Variants in CFAP91 observed in about 807,000 individuals in gnomAD.
The protein encoded by CFAP91 is cilia and flagella associated protein 91, also known as cilia- and flagella-associated protein 91.
In CFAP91, 85 loss-of-function variants were observed where a neutral mutation model predicts 95.9. The observed-to-expected ratio is 0.89, with a 90% CI of 0.74 to 1.06. The LOEUF is 1.06. Among genes scored for constraint, CFAP91 ranks in the 50% least tolerant of loss-of-function variants. The pLI is 0.00. For missense variants in CFAP91, 962 were observed against 943.4 expected (o/e 1.02, Z -0.26); for synonymous variants, 335 against 327.5 (o/e 1.02, Z -0.25).
intron 17 of CFAP91, among the ~76,000 whole-genome samples, chr3:119,756,576 G>A (rs1032085477): frequency 5.9e-5 from 9 of 152,142 alleles, no homozygotes; most frequent in African/African-American, 2.2e-4. Context: ...TAGGAGCAAT[G>A]CAGTTATAAA....
chr3:119,705,085 C>A (rs1470493625), intron 1 of CFAP91, among the ~76,000 whole-genome samples: 1 of 152,228 alleles, frequency 6.6e-6, no homozygotes, highest in African/African-American at 2.4e-5. Context: ...CATCTCTATG[C>A]TTGCTTCCTT....
intron 3 of CFAP91, among the ~76,000 whole-genome samples, chr3:119,708,063 T>G (rs1389379047): frequency 6.6e-6 from 1 of 151,884 alleles, no homozygotes; most frequent in Non-Finnish European, 1.5e-5. Flanking sequence ...AGGCGGATCA[T>G]GAGGTCAGGA....
chr3:119,747,174 C>T lies in CFAP91; in HGVS notation c.1962C>T (p.Thr654=), dbSNP rs200328797. ...SSYLEDIILN[T]EANTAEEQAR... ...ACCTAGAAGACATAATACTGAATAC[C>T]GAAGCGAATACTGCAGAAGAACAAG... Residue 654 remains threonine (T), a synonymous_variant, in exon 15 of 18, where the codon ACC becomes ACT. Coordinates refer to ENST00000273390, the MANE Select transcript of CFAP91 (RefSeq NM_033364.4). 35 of 1,613,352 alleles carry T rather than the reference C, an allele frequency of 2.2e-5. 1 individual carries two copies. The highest frequency in any genetic ancestry group is 3.3e-4 in the Middle Eastern group (2 of 6,060).
rs531367144 is a variant in CFAP91, at chr3:119,736,547, A to G, written c.1345-819A>G. 1.2e-3 allele frequency among the ~76,000 whole-genome samples: 177 copies of G among 152,160 alleles called. 1 individual carries two copies. Among genetic ancestry groups the G allele is most frequent in the Admixed American group, 5.5e-3 (84 of 15,290 alleles). On this transcript the variant is annotated intron_variant, in intron 10 of 17. Coordinates refer to ENST00000273390, the MANE Select transcript of CFAP91 (RefSeq NM_033364.4). Reference sequence around the variant, plus strand: ...CTCCTCGGCCTCCCAAAGTGCTGGGATCGCAGGCGTGAGCCACCGCGCCCG... The same window carrying G: ...CTCCTCGGCCTCCCAAAGTGCTGGGGTCGCAGGCGTGAGCCACCGCGCCCG...
chr3:119,742,771 T>C (rs1030395672), intron 13 of CFAP91, among the ~76,000 whole-genome samples: 1 of 152,150 alleles, frequency 6.6e-6, no homozygotes, highest in Admixed American at 6.5e-5. Flanking sequence ...AGGATGAAGA[T>C]GGGTGGTGTT....
intron 17 of CFAP91, chr3:119,752,206 A>G (rs1381838870): frequency 1.3e-5 from 2 of 152,174 alleles, no homozygotes; most frequent in South Asian, 2.1e-4. Flanking sequence ...TACTGGGGCT[A>G]GGGAGAAATT....
chr3:119,724,997 GAAAT>G (rs1289230379), intron 6 of CFAP91, among the ~76,000 whole-genome samples: 1 of 152,150 alleles, frequency 6.6e-6, no homozygotes, highest in Non-Finnish European at 1.5e-5. Flanking sequence ...CAAAAGATCT[GAAAT>G]AAGACACAAA....
intron 17 of CFAP91, among the ~76,000 whole-genome samples, chr3:119,760,128 C>G (rs915226568): frequency 6.6e-6 from 1 of 151,740 alleles, no homozygotes; most frequent in African/African-American, 2.4e-5. Flanking sequence ...CTATGTCCAG[C>G]CTACAAGAGT....
chr3:119,743,732 C>A (rs560486969), intron 13 of CFAP91, among the ~76,000 whole-genome samples: 1 of 152,316 alleles, frequency 6.6e-6, no homozygotes, highest in African/African-American at 2.4e-5. Context: ...CTTGCTAAAT[C>A]CTCTTGCTTA....
intron 3 of CFAP91, among the ~76,000 whole-genome samples, chr3:119,707,802 T>C (rs1471275456): frequency 6.6e-6 from 1 of 150,408 alleles, no homozygotes; most frequent in East Asian, 1.9e-4. Context: ...GATGATTGAG[T>C]TTGTTGTTGC....
chr3:119,726,096 CAG>C (rs779629116), intron 6 of CFAP91, 73 bp from the exon 7 acceptor site: 194 of 1,285,890 alleles, frequency 1.5e-4, no homozygotes, highest in Middle Eastern at 2.8e-4. Flanking sequence ...AAGGAACTGA[CAG>C]GGAGTTAATT....
chr3:119,732,318 G>C lies in CFAP91; in HGVS notation c.1043G>C (p.Arg348Thr), dbSNP rs1433760009. Residue 348 changes from arginine to threonine, a missense_variant, in exon 9 of 18, where the codon AGA (arginine) becomes ACA (threonine). Physicochemically the swap from Arg to Thr is moderately conservative, Grantham distance 71. Coordinates refer to ENST00000273390, the MANE Select transcript of CFAP91 (RefSeq NM_033364.4). ...VSTIRKLVGKRKNIEGKLERR... is the reference protein window; with the variant it reads ...VSTIRKLVGKTKNIEGKLERR... The stretch of plus-strand genomic sequence containing the variant: ...GCAATCAGAAAACTTGTAGGAAAGA[G>C]AAAGAATATAGAAGGGAAGTTGGAG... 2 of 1,604,644 alleles carry C rather than the reference G, an allele frequency of 1.2e-6. No homozygotes were observed. Among genetic ancestry groups the C allele is most frequent in the Admixed American group, 3.4e-5 (2 of 58,478 alleles).
chr3:119,731,641 C>T (rs2107886710), intron 8 of CFAP91, among the ~76,000 whole-genome samples: 1 of 152,302 alleles, frequency 6.6e-6, no homozygotes, highest in African/African-American at 2.4e-5. Flanking sequence ...CCTCTTGCAG[C>T]ATGACGTCAC....
At chr3:119,715,906 C>A in intron 6 of CFAP91, 163 bp downstream of exon 6, 2 of 626,662 alleles carry the variant, frequency 3.2e-6, no homozygotes, top group South Asian at 3.8e-5. Flanking sequence ...TACTTCTGGT[C>A]AAATAAAGAT....
chr3:119,746,952 C>T (rs534621464), intron 14 of CFAP91, among the ~76,000 whole-genome samples, 163 bp from the exon 15 acceptor site: 5 of 152,224 alleles, frequency 3.3e-5, no homozygotes, highest in African/African-American at 1.2e-4. Context: ...GGATGAGAAA[C>T]AGACTGATGA....
chr3:119,739,936 C>T (rs1355427297), intron 12 of CFAP91, among the ~76,000 whole-genome samples: 1 of 152,082 alleles, frequency 6.6e-6, no homozygotes, highest in African/African-American at 2.4e-5. Flanking sequence ...AGTGTAAAGC[C>T]TTAGCCAGAT....
intron 17 of CFAP91, among the ~76,000 whole-genome samples, chr3:119,753,773 C>G (rs1034269306): frequency 1.3e-5 from 2 of 152,188 alleles, no homozygotes; most frequent in African/African-American, 4.8e-5. Flanking sequence ...GAGCAGTATA[C>G]ACTGCACCAT....
intron 7 of CFAP91, among the ~76,000 whole-genome samples, chr3:119,729,062 G>A (rs2053841830): frequency 6.6e-6 from 1 of 152,122 alleles, no homozygotes; most frequent in African/African-American, 2.4e-5. Flanking sequence ...TTCTAAGCAG[G>A]AGTAAAATGT....
intron 3 of CFAP91, among the ~76,000 whole-genome samples, chr3:119,708,107 C>T (rs2053405341): frequency 6.6e-6 from 1 of 151,862 alleles, no homozygotes; most frequent in East Asian, 1.9e-4. Context: ...CGGTGAAACC[C>T]CGTCTCTACT....
Sources: allele counts gnomAD v4.1 joint callset (sites outside exome capture counted in the v4.1 genomes callset), GRCh38; gene constraint gnomAD v4.1.1; transcripts MANE v1.5; gene names NCBI Gene and HGNC (gene_info 2026-07-23, HGNC 2026-07-21).